Variants in RBFOX1 observed in about 807,000 individuals in gnomAD.
RBFOX1 encodes RNA binding fox-1 homolog 1.
RBFOX1 carries 8 observed loss-of-function variants against 57.7 expected under a neutral mutation model. That is an observed-to-expected ratio of 0.14 (90% CI 0.08 to 0.25). RBFOX1 has a LOEUF of 0.25. Among genes scored for constraint, RBFOX1 ranks in the 10% least tolerant of loss-of-function variants. The pLI is 1.00. For synonymous variants in RBFOX1, 326 were observed against 222.4 expected (o/e 1.47, Z -4.15); for missense variants, 611 against 548.5 (o/e 1.11, Z -1.14).
At chr16:6,569,877 A>G (rs1467101979) in intron 2 of RBFOX1, among the ~76,000 whole-genome samples, 1 of 152,198 alleles carries the variant, frequency 6.6e-6, no homozygotes, top group Non-Finnish European at 1.5e-5. Context: ...AATCTCCTTC[A>G]ATCAATTTTA....
At chr16:6,517,386 T>C (rs2096401468) in intron 2 of RBFOX1, among the ~76,000 whole-genome samples, 1 of 152,136 alleles carries the variant, frequency 6.6e-6, no homozygotes, top group Non-Finnish European at 1.5e-5. Context: ...CGTCAATTAA[T>C]CTTAGGCATG....
intron 1 of RBFOX1, among the ~76,000 whole-genome samples, chr16:5,311,910 C>G (rs1031798536): frequency 2.0e-5 from 3 of 152,174 alleles, no homozygotes; most frequent in Non-Finnish European, 4.4e-5. Context: ...GTCACTTGCT[C>G]CTTGTTACGG....
intron 2 of RBFOX1, among the ~76,000 whole-genome samples, chr16:6,587,525 A>G (rs1600707837): frequency 6.6e-6 from 1 of 152,084 alleles, no homozygotes; most frequent in Admixed American, 6.6e-5. Flanking sequence ...AAAGTGATCC[A>G]CCTGCCTCGG....
At chr16:5,827,825 C>T (rs149314758) in intron 3 of RBFOX1, among the ~76,000 whole-genome samples, 2,077 of 152,128 alleles carry the variant, frequency 0.014, 29 homozygotes, top group Middle Eastern at 0.031. Context: ...ACTCACCCAT[C>T]CACCTGGCCA....
intron 1 of RBFOX1, among the ~76,000 whole-genome samples, chr16:5,406,817 A>G (rs1214102552): frequency 6.6e-6 from 1 of 152,112 alleles, no homozygotes; most frequent in Non-Finnish European, 1.5e-5. Flanking sequence ...TAGAGGGGAG[A>G]CAGACGGCAG....
intron 2 of RBFOX1, among the ~76,000 whole-genome samples, chr16:6,380,218 T>C (rs1332495081): frequency 1.3e-5 from 2 of 152,068 alleles, no homozygotes; most frequent in East Asian, 1.9e-4. Flanking sequence ...ATGACTTTTA[T>C]TGGGTGCCTT....
At chr16:5,394,024 T>C (rs1265161811) in intron 1 of RBFOX1, among the ~76,000 whole-genome samples, 3 of 150,602 alleles carry the variant, frequency 2.0e-5, no homozygotes, top group Non-Finnish European at 4.4e-5. Context: ...TTTCTTTTTC[T>C]TTTTTTTCTT....
intron 3 of RBFOX1, among the ~76,000 whole-genome samples, chr16:6,756,213 G>C (rs1375342256): frequency 1.3e-5 from 2 of 152,080 alleles, no homozygotes; most frequent in African/African-American, 4.8e-5. Flanking sequence ...AAATTATATG[G>C]ATTGGGGAAA....
intron 11 of RBFOX1, among the ~76,000 whole-genome samples, chr16:7,636,897 A>G (rs1042228227): frequency 5.3e-5 from 8 of 152,170 alleles, no homozygotes; most frequent in Non-Finnish European, 1.0e-4. Context: ...ATATAAGGGC[A>G]TGAATCTTAT....
At chr16:7,428,522 T>TTAC (rs933541806) in intron 4 of RBFOX1, among the ~76,000 whole-genome samples, 1 of 145,816 alleles carries the variant, frequency 6.9e-6, no homozygotes, top group Non-Finnish European at 1.5e-5. Context: ...ATTATTATTA[T>TTAC]TATTATTATT....
intron 2 of RBFOX1, among the ~76,000 whole-genome samples, chr16:6,454,768 C>G (rs1184192705): frequency 6.6e-6 from 1 of 151,632 alleles, no homozygotes; most frequent in African/African-American, 2.4e-5. Flanking sequence ...AAGAGGCACA[C>G]ATCTTCTCTC....
At chr16:7,011,483 T>G (rs916996665) in intron 3 of RBFOX1, among the ~76,000 whole-genome samples, 1 of 151,890 alleles carries the variant, frequency 6.6e-6, no homozygotes, top group South Asian at 2.1e-4. Context: ...TTGTGTGTGT[T>G]TGTTTGTTTT....
At chr16:7,259,643 G>A (rs575767651) in intron 4 of RBFOX1, among the ~76,000 whole-genome samples, 12 of 151,960 alleles carry the variant, frequency 7.9e-5, no homozygotes, top group Admixed American at 2.0e-4. Context: ...TAATAAACAA[G>A]CCTATAGCTT....
chr16:7,126,346 G>T (rs1045133880), intron 4 of RBFOX1: 4 of 267,130 alleles, frequency 1.5e-5, no homozygotes, highest in Admixed American at 1.2e-4. Flanking sequence ...CTAAATCGAG[G>T]TGGGGGTTTT....
intron 1 of RBFOX1, among the ~76,000 whole-genome samples, chr16:5,340,100 A>G (rs749669233): frequency 5.9e-5 from 9 of 152,156 alleles, no homozygotes; most frequent in Non-Finnish European, 1.2e-4. Context: ...TAATTCATCC[A>G]TTTCTTTTTT....
chr16:6,461,963 A>G (rs2094930649), intron 2 of RBFOX1, among the ~76,000 whole-genome samples: 1 of 152,184 alleles, frequency 6.6e-6, no homozygotes, highest in Non-Finnish European at 1.5e-5. Flanking sequence ...AGGGGCTTGT[A>G]TGTTGAATGT....
At chr16:7,091,665 C>T (rs1382238798) in intron 4 of RBFOX1, among the ~76,000 whole-genome samples, 3 of 152,210 alleles carry the variant, frequency 2.0e-5, no homozygotes, top group Non-Finnish European at 4.4e-5. Context: ...TGTAAGCAAA[C>T]TTGTGAAGTA....
rs369622609 is a variant in RBFOX1 at position 5,947,160 on chromosome 16, G to A, written c.351+79825G>A. Among the ~76,000 whole-genome samples the A allele has an allele frequency of 2.4e-4, 36 of 152,124 alleles. No individual in the cohort carries two copies. Among genetic ancestry groups the A allele is most frequent in the African/African-American group, 3.1e-4 (13 of 41,440 alleles). ...GAACTCAGGAGGTTGAGGTTGCAGC[G>A]AGCCGTGATTCTGCCACTGCTCTCC... On this transcript the variant is annotated intron_variant, in intron 4 of 19. Transcript: ENST00000641259. The surrounding 1 kb of genome is among the most constrained non-coding windows in gnomAD (Gnocchi z 7.2).
chr16:6,835,943 G>A (rs2093064786), intron 3 of RBFOX1, among the ~76,000 whole-genome samples: 2 of 151,980 alleles, frequency 1.3e-5, no homozygotes, highest in Admixed American at 1.3e-4. Flanking sequence ...ATAAAGAGCA[G>A]CACCTCCATT....
Sources: gnomAD v4.1 joint callset for allele counts (sites outside exome capture counted in the v4.1 genomes callset) on GRCh38, gnomAD v4.1.1 for gene constraint, Gnocchi (gnomAD v3.1) non-coding constraint, MANE v1.5 for transcripts, NCBI Gene and HGNC (gene_info 2026-07-23, HGNC 2026-07-21) for gene names.